Variants in FBXL13 observed in about 807,000 individuals in gnomAD.
The protein encoded by FBXL13 is F-box and leucine rich repeat protein 13.
In FBXL13, 67 loss-of-function variants were observed where a neutral mutation model predicts 83.6. The ratio of observed to expected loss-of-function variants is 0.80; its 90% CI spans 0.66 to 0.98. FBXL13 has a LOEUF of 0.98. FBXL13 is among the 50% of genes least tolerant of loss of function. The pLI, the probability that FBXL13 is intolerant of heterozygous loss-of-function variation, is 0.00. For missense variants in FBXL13, 822 were observed against 866.5 expected (o/e 0.95, Z 0.64); for synonymous variants, 272 against 299.5 (o/e 0.91, Z 0.95).
intron 6 of FBXL13, among the ~76,000 whole-genome samples, chr7:102,995,478 CAAAAAAAAAAA>C (rs1158263069): frequency 1.7e-4 from 5 of 28,600 alleles, no homozygotes; most frequent in East Asian, 1.0e-3. Flanking sequence ...GACTCCATCT[CAAAAAAAAAAA>C]AAAAAAAAAA....
chr7:102,973,880 G>T (rs2129482607), intron 6 of FBXL13: 2 of 684,852 alleles, frequency 2.9e-6, no homozygotes, highest in East Asian at 5.4e-5. Flanking sequence ...CGTGTGCCAG[G>T]TACTTGCTGA....
intron 6 of FBXL13, among the ~76,000 whole-genome samples, chr7:103,023,468 A>G (rs923062694): frequency 6.6e-6 from 1 of 152,170 alleles, no homozygotes; most frequent in African/African-American, 2.4e-5. Flanking sequence ...AAAGTCAGAA[A>G]ATAACAGATA....
At chr7:102,884,372 G>C in intron 11 of FBXL13, 60 bp from the exon 13 acceptor site, 1 of 1,262,778 alleles carries the variant, frequency 7.9e-7, no homozygotes, top group Non-Finnish European at 1.1e-6. Context: ...AAATCCAAGG[G>C]AGTAATAACC....
chr7:102,932,426 C>A lies in FBXL13; in HGVS notation c.725-493G>T, dbSNP rs150560883. Among the ~76,000 whole-genome samples, 568 of 152,292 alleles carry A rather than the reference C, an allele frequency of 3.7e-3. 5 individuals carry two copies. Among genetic ancestry groups the A allele is most frequent in the African/African-American group, 0.014 (561 of 41,554 alleles). On this transcript the variant is annotated intron_variant, in intron 8 of 19. Transcript: ENST00000313221. ...TATCCACCCACTCATTCATCTCTAT[C>A]TATAGCCCTCAATCATCTTATTTTT... is the stretch of plus-strand genomic sequence containing the variant.
intron 9 of FBXL13, among the ~76,000 whole-genome samples, chr7:102,928,777 A>G (rs1411770168): frequency 6.6e-6 from 1 of 152,208 alleles, no homozygotes; most frequent in African/African-American, 2.4e-5. Flanking sequence ...TTGACAAACA[A>G]CTTCATTATA....
At chr7:102,883,204 A>C in intron 14 of FBXL13, 101 bp downstream of exon 15, 1 of 1,173,948 alleles carries the variant, frequency 8.5e-7, no homozygotes. Context: ...TGAACTCTTG[A>C]CTTTCATGTT....
intron 10 of FBXL13, among the ~76,000 whole-genome samples, chr7:102,916,891 A>AT (rs912954909): frequency 1.1e-4 from 17 of 151,482 alleles, no homozygotes; most frequent in East Asian, 3.9e-4. Flanking sequence ...AACTACAAAG[A>AT]TTTTTTTTTC....
At chr7:102,872,675 G>C (rs1808683907) in intron 16 of FBXL13, among the ~76,000 whole-genome samples, 1 of 152,206 alleles carries the variant, frequency 6.6e-6, no homozygotes, top group African/African-American at 2.4e-5. Flanking sequence ...CACATACATG[G>C]AGATATAACC....
intron 17 of FBXL13, among the ~76,000 whole-genome samples, chr7:102,833,663 C>T (rs1801147478): frequency 6.6e-6 from 1 of 151,302 alleles, no homozygotes; most frequent in South Asian, 2.1e-4. Context: ...AACTCCTGAC[C>T]TCAAGTGATC....
chr7:102,962,776 G>A (rs1825448273), intron 8 of FBXL13, among the ~76,000 whole-genome samples: 1 of 138,514 alleles, frequency 7.2e-6, no homozygotes, highest in African/African-American at 2.7e-5. Flanking sequence ...GGTGGGAACT[G>A]AACAATGAGA....
intron 1 of FBXL13, among the ~76,000 whole-genome samples, chr7:103,066,441 G>A (rs537343720): frequency 2.0e-5 from 3 of 151,996 alleles, no homozygotes; most frequent in Non-Finnish European, 2.9e-5. Flanking sequence ...GCCCAGGCTG[G>A]AATGTAGCGG....
chr7:102,890,604 T>C (rs1172680548), intron 11 of FBXL13, among the ~76,000 whole-genome samples: 1 of 152,220 alleles, frequency 6.6e-6, no homozygotes, highest in East Asian at 1.9e-4. Flanking sequence ...GAGTTGTCAG[T>C]GAGCCACATA....
At chr7:102,893,879 GAA>G (rs1332745827) in intron 11 of FBXL13, among the ~76,000 whole-genome samples, 1 of 145,748 alleles carries the variant, frequency 6.9e-6, no homozygotes, top group African/African-American at 2.5e-5. Context: ...GAGGAAGAAA[GAA>G]AAAGAAAGAG....
intron 1 of FBXL13, 30 bp from the exon 2 acceptor site, chr7:103,055,777 G>T: frequency 9.6e-7 from 1 of 1,037,610 alleles, no homozygotes; most frequent in Non-Finnish European, 1.3e-6. Flanking sequence ...TGGCATCAAT[G>T]TTTCTGAATT....
At chr7:102,977,360 G>A (rs149988151) in intron 6 of FBXL13, among the ~76,000 whole-genome samples, 8 of 152,222 alleles carry the variant, frequency 5.3e-5, no homozygotes, top group Non-Finnish European at 7.3e-5. Flanking sequence ...TAGCAGAAGA[G>A]GGTGGAGTCT....
chr7:102,961,236 T>C (rs1825146275), intron 8 of FBXL13, among the ~76,000 whole-genome samples: 1 of 145,092 alleles, frequency 6.9e-6, no homozygotes, highest in Non-Finnish European at 1.5e-5. Context: ...CCATTCACAA[T>C]TGCTTCAAAG....
At chr7:102,840,372 C>CA (rs1802714049) in intron 17 of FBXL13, among the ~76,000 whole-genome samples, 1 of 152,196 alleles carries the variant, frequency 6.6e-6, no homozygotes, top group African/African-American at 2.4e-5. Flanking sequence ...TTACATTTCT[C>CA]TAAGTTTATT....
intron 1 of FBXL13, among the ~76,000 whole-genome samples, chr7:103,060,561 G>A (rs951600248): frequency 6.6e-6 from 1 of 152,150 alleles, no homozygotes; most frequent in African/African-American, 2.4e-5. Context: ...AAATGGCTAG[G>A]AGAGAACTGA....
chr7:103,021,193 T>C (rs1283590293), intron 6 of FBXL13, among the ~76,000 whole-genome samples: 4 of 152,104 alleles, frequency 2.6e-5, no homozygotes, highest in African/African-American at 9.7e-5. Flanking sequence ...TCTACAACCA[T>C]CTGATCTTTG....
Sources: gnomAD v4.1 joint callset for allele counts (sites outside exome capture counted in the v4.1 genomes callset) on GRCh38, gnomAD v4.1.1 for gene constraint, MANE v1.5 for transcripts, NCBI Gene and HGNC (gene_info 2026-07-23, HGNC 2026-07-21) for gene names.